MARK3: variants seen among roughly 807,000 people sequenced by gnomAD.
MARK3 encodes the protein MAP/microtubule affinity-regulating kinase 3.
A neutral mutation model predicts 90.1 loss-of-function variants in MARK3; 46 were observed. That is an observed-to-expected ratio of 0.51 (90% confidence interval 0.40 to 0.65). MARK3 has a LOEUF of 0.65. Among genes scored for constraint, MARK3 ranks in the 30% least tolerant of loss-of-function variants. The pLI is 0.00. For synonymous variants in MARK3, 321 were observed against 332.6 expected (o/e 0.97, Z 0.38); for missense variants, 818 against 947.2 (o/e 0.86, Z 1.79).
intron 12 of MARK3, among the ~76,000 whole-genome samples, chr14:103,469,859 G>A (rs956045963): frequency 6.6e-6 from 1 of 151,668 alleles, no homozygotes; most frequent in Non-Finnish European, 1.5e-5. Flanking sequence ...TCAGGAGTTC[G>A]AGACTAGCCT....
chr14:103,482,829 A>T (rs2093850860), intron 14 of MARK3, among the ~76,000 whole-genome samples: 3 of 152,114 alleles, frequency 2.0e-5, no homozygotes, highest in African/African-American at 7.2e-5. Flanking sequence ...CCCTGGAGAC[A>T]CCTGCCTTGT....
At position 103,399,527 on chromosome 14, in the gene MARK3, C is replaced by T. The variant is rs567046443; in HGVS notation, c.52-5549C>T. ...GATCGAGACCACGGTGAAACCTCGT[C>T]TCTACTAAAAATACGAAAAAAATTA... is the stretch of plus-strand genomic sequence containing the variant. On this transcript the variant is annotated intron_variant, in intron 1 of 17. Transcript: ENST00000429436. 8.6e-4 allele frequency among the ~76,000 whole-genome samples: 131 copies of T among 151,982 alleles called. 1 individual carries two copies. The highest frequency in any genetic ancestry group is 3.1e-3 in the African/African-American group (127 of 41,472).
intron 15 of MARK3, among the ~76,000 whole-genome samples, chr14:103,494,320 G>A (rs1169143868): frequency 1.3e-5 from 2 of 151,240 alleles, no homozygotes; most frequent in Non-Finnish European, 2.9e-5. Context: ...GGGAGGCCGA[G>A]GCAGGTGGAT....
rs1438767893 is a variant in MARK3, at chr14:103,466,075, A to G, written c.881A>G (p.Lys294Arg). The change falls in exon 9 of 18, where the codon AAA (lysine) becomes AGA (arginine). Residue 294 changes from lysine (K) to arginine (R), a missense_variant. By Grantham distance (26) the Lys-to-Arg change is conservative. Coordinates refer to ENST00000429436, the MANE Select transcript of MARK3 (RefSeq NM_001128918.3). ...CGTTTCCTGGTGCTAAATCCAATTAAACGCGGCACTCTAGAGGTAATCATG... is the reference window on the plus strand; with the variant it reads ...CGTTTCCTGGTGCTAAATCCAATTAGACGCGGCACTCTAGAGGTAATCATG... Reference protein sequence around the residue: ...LKRFLVLNPIKRGTLEQIMKD... With the variant: ...LKRFLVLNPIRRGTLEQIMKD... 1 of 1,614,008 alleles carries G rather than the reference A, an allele frequency of 6.2e-7. No homozygotes were observed. Among genetic ancestry groups the G allele is most frequent in the Non-Finnish European group, 8.5e-7 (1 of 1,180,000 alleles).
chr14:103,432,363 C>T (rs1339647770), intron 3 of MARK3, among the ~76,000 whole-genome samples: 4 of 152,134 alleles, frequency 2.6e-5, no homozygotes, highest in Non-Finnish European at 4.4e-5. Flanking sequence ...TTTATTAAAG[C>T]ATTATTGACT....
intron 2 of MARK3, among the ~76,000 whole-genome samples, chr14:103,427,497 C>CAAAAAAAAAAAAAAAAAAAA (rs71126021): frequency 1.6e-4 from 18 of 110,800 alleles, no homozygotes; most frequent in South Asian, 3.1e-4. Context: ...GAGACTGTTT[C>CAAAAAAAAAAAAAAAAAAAA]AAAAAAAAAA....
At chr14:103,386,192 G>T (rs1044847494) in intron 1 of MARK3, 112 bp downstream of exon 1, 36 of 1,035,916 alleles carry the variant, frequency 3.5e-5, no homozygotes, top group Non-Finnish European at 2.9e-5. Context: ...GAAATAGAGG[G>T]CAGGCCGTAG....
chr14:103,432,779 C>T, intron 3 of MARK3, among the ~76,000 whole-genome samples: 1 of 152,100 alleles, frequency 6.6e-6, no homozygotes, highest in African/African-American at 2.4e-5. Flanking sequence ...TCACTTGAGC[C>T]TAGAAGTTGG....
intron 1 of MARK3, among the ~76,000 whole-genome samples, chr14:103,397,430 G>A (rs1220156197): frequency 4.0e-5 from 6 of 150,234 alleles, no homozygotes; most frequent in Admixed American, 2.7e-4. Context: ...AGGTTCAAAC[G>A]ATTCTCCTGC....
Position 103,491,762 on chromosome 14 carries a change from T to G in MARK3, c.1587-15T>G. On this transcript the variant is annotated splice_polypyrimidine_tract_variant and intron_variant, in intron 14 of 17. Coordinates refer to ENST00000429436, the MANE Select transcript of MARK3 (RefSeq NM_001128918.3). ...ATATCATGTTCTGAGAGCTTCTTAC[T>G]TTCTGATCTCATAGCACTATTCCTG... 2 of 1,611,748 alleles carry G rather than the reference T, an allele frequency of 1.2e-6. No homozygotes were observed. Among genetic ancestry groups the G allele is most frequent in the South Asian group, 1.1e-5 (1 of 91,044 alleles).
rs757376765 is a variant in MARK3 at position 103,503,001 on chromosome 14, T to C, written c.2036T>C (p.Ile679Thr). The C allele has an allele frequency of 6.2e-7, 1 of 1,614,120 alleles. No homozygotes were observed. The highest frequency in any genetic ancestry group is 1.1e-5 in the South Asian group (1 of 91,070). ...SMDPGDMMRE[I>T]RKVLDANNCD... ...GATCCCGGGGACATGATGCGGGAAA[T>C]CCGCAAAGTGTTGGACGCCAATAAC... The change falls in exon 18 of 18, where the codon ATC (isoleucine) becomes ACC (threonine). Residue 679 changes from isoleucine to threonine, a missense_variant. Around this residue, in one of 3 missense-constraint regions of MARK3, gnomAD observed 560 missense variants for 613.5 expected, o/e 0.91. Coordinates refer to ENST00000429436, the MANE Select transcript of MARK3 (RefSeq NM_001128918.3).
In MARK3 at chr14:103,448,905, GTT is replaced by G. The variant is rs749864596; in HGVS notation, c.298-4_298-3del. 56 of 1,135,190 alleles carry G rather than the reference GTT, an allele frequency of 4.9e-5. No homozygotes were observed. The highest frequency in any genetic ancestry group is 2.4e-4 in the Admixed American group (10 of 40,840). 70.3% of individuals were successfully genotyped at this position (1,135,190 alleles called of 1,614,324 possible). The stretch of plus-strand genomic sequence containing the variant: ...GTTGGGGGGATTATGTGTTTTGTTT[GTT>G]TTTTTTTTTAGCTCTTCAGAGAAGT... On this transcript the variant is annotated splice_polypyrimidine_tract_variant and intron_variant, in intron 3 of 17. Transcript: ENST00000429436.
intron 12 of MARK3, among the ~76,000 whole-genome samples, chr14:103,471,335 A>C (rs1404154433): frequency 6.6e-6 from 1 of 152,216 alleles, no homozygotes; most frequent in Admixed American, 6.5e-5. Context: ...AAAGAGCTTT[A>C]GACATGGTAT....
At position 103,466,422 on chromosome 14, in the gene MARK3, T is replaced by A. The variant is rs1342000495; in HGVS notation, c.977T>A (p.Ile326Asn). The change falls in exon 10 of 18, where the codon ATC becomes AAC. Residue 326 changes from isoleucine to asparagine, a missense_variant. Physicochemically the swap from Ile to Asn is moderately radical, Grantham distance 149. This residue lies in a region of MARK3 where 560 missense variants were observed against 613.5 expected (regional missense o/e 0.91). Transcript: ENST00000429436. ...LKPFVEPELD[I>N]SDQKRIDIMV... ...CCATTTGTTGAACCAGAGCTAGACA[T>A]CTCAGACCAAAAAAGAATAGGTAAT... 1 of 1,612,828 alleles carries A rather than the reference T, an allele frequency of 6.2e-7. No individual in the cohort carries two copies. The highest frequency in any genetic ancestry group is 1.1e-5 in the South Asian group (1 of 91,034).
intron 3 of MARK3, among the ~76,000 whole-genome samples, chr14:103,434,841 GCTTCTAATT>G (rs1453087180): frequency 6.6e-6 from 1 of 152,024 alleles, no homozygotes; most frequent in Non-Finnish European, 1.5e-5. Flanking sequence ...AGCGTTTTTT[GCTTCTAATT>G]TCAAATTGGA....
At chr14:103,410,335 CTGAT>C (rs1216432021) in intron 2 of MARK3, among the ~76,000 whole-genome samples, 5 of 152,158 alleles carry the variant, frequency 3.3e-5, no homozygotes, top group Non-Finnish European at 7.3e-5. Flanking sequence ...CCCTTGCAAT[CTGAT>C]TGCCTCTCCA....
intron 12 of MARK3, among the ~76,000 whole-genome samples, chr14:103,472,976 A>C (rs1261072509): frequency 1.3e-5 from 2 of 151,736 alleles, no homozygotes; most frequent in Non-Finnish European, 2.9e-5. Flanking sequence ...ACTGCACTCC[A>C]CAGCCTGGCC....
At chr14:103,421,658 G>T (rs766607176) in intron 2 of MARK3, among the ~76,000 whole-genome samples, 1 of 152,102 alleles carries the variant, frequency 6.6e-6, no homozygotes, top group African/African-American at 2.4e-5. Flanking sequence ...CATATTCTAG[G>T]GTTGTCTTTC....
At chr14:103,491,544 T>C (rs2094016558) in intron 14 of MARK3, 1 of 470,694 alleles carries the variant, frequency 2.1e-6, no homozygotes, top group Non-Finnish European at 3.7e-6. Flanking sequence ...ATCTTGTCCT[T>C]GAAAATATAT....
Sources: allele counts gnomAD v4.1 joint callset (sites outside exome capture counted in the v4.1 genomes callset), GRCh38; gene constraint gnomAD v4.1.1; regional missense constraint gnomAD v4.1.1; transcripts MANE v1.5; gene names NCBI Gene and HGNC (gene_info 2026-07-23, HGNC 2026-07-21).